GOLT1B: variants seen among roughly 807,000 people sequenced by gnomAD.
GOLT1B encodes the protein golgi transport 1B.
Under a neutral mutation model 15.4 loss-of-function variants are expected in GOLT1B, and 3 were observed. The observed-to-expected ratio is 0.19, with a 90% CI of 0.09 to 0.50. GOLT1B has a LOEUF of 0.50. Among genes scored for constraint, GOLT1B ranks in the 20% least tolerant of loss-of-function variants. GOLT1B has a pLI of 0.97. For synonymous variants in GOLT1B, 65 were observed against 56.2 expected (o/e 1.16, Z -0.70); for missense variants, 145 against 160.4 (o/e 0.90, Z 0.52).
At chr12:21,505,359 AC>A (rs1477042144) in intron 1 of GOLT1B, among the ~76,000 whole-genome samples, 3 of 152,216 alleles carry the variant, frequency 2.0e-5, no homozygotes, top group Admixed American at 1.3e-4. Context: ...ATAGAATTTT[AC>A]TTGCTCTTTT....
At chr12:21,507,678 A>ATGTTTCATATTC (rs1943689454) in intron 2 of GOLT1B, among the ~76,000 whole-genome samples, 2 of 152,202 alleles carry the variant, frequency 1.3e-5, no homozygotes, top group Non-Finnish European at 2.9e-5. Flanking sequence ...CATTAGGCTT[A>ATGTTTCATATTC]ATATGTATTT....
chr12:21,508,830 T>A (rs1943697868), intron 3 of GOLT1B, among the ~76,000 whole-genome samples: 1 of 152,154 alleles, frequency 6.6e-6, no homozygotes, highest in Non-Finnish European at 1.5e-5. Context: ...TGTTGGATAT[T>A]TGTATCAACT....
At chr12:21,515,064 A>G (rs895236692) in intron 4 of GOLT1B, among the ~76,000 whole-genome samples, 5 of 151,948 alleles carry the variant, frequency 3.3e-5, no homozygotes, top group Non-Finnish European at 7.4e-5. Context: ...ACTTACAGTA[A>G]TGTGTGTTAA....
At chr12:21,502,334 A>G (rs1011761611) in intron 1 of GOLT1B, among the ~76,000 whole-genome samples, 2 of 152,190 alleles carry the variant, frequency 1.3e-5, no homozygotes, top group Non-Finnish European at 2.9e-5. Flanking sequence ...GTTTATGCGC[A>G]TGACACACTT....
intron 3 of GOLT1B, among the ~76,000 whole-genome samples, chr12:21,511,886 A>G (rs949668378): frequency 2.0e-5 from 3 of 152,248 alleles, no homozygotes; most frequent in African/African-American, 4.8e-5. Context: ...AGAATGAGAC[A>G]TACTGTGAGG....
intron 3 of GOLT1B, among the ~76,000 whole-genome samples, chr12:21,509,250 T>G (rs533398520): frequency 1.3e-5 from 2 of 151,738 alleles, no homozygotes; most frequent in East Asian, 3.9e-4. Flanking sequence ...AATTCAAAAA[T>G]TAGCTGGCCA....
chr12:21,516,487 A>G lies in GOLT1B; in HGVS notation c.*780A>G, dbSNP rs894234880. The G allele has an allele frequency of 6.6e-6, 1 of 152,090 alleles. No individual in the cohort carries two copies. Among genetic ancestry groups the G allele is most frequent in the Non-Finnish European group, 1.5e-5 (1 of 67,930 alleles). 9.4% of individuals were successfully genotyped at this position (152,090 alleles called of 1,614,324 possible). On this transcript the variant is annotated 3_prime_UTR_variant, in exon 5 of 5. Transcript: ENST00000229314. ...ATTTAACAAAAAAGCATTCTTGACC[A>G]TGAATGAAGTAGTTTGTTTCATAGC...
At position 21,516,520 on chromosome 12, in the gene GOLT1B, A is replaced by G. The variant is rs1030426334; in HGVS notation, c.*813A>G. ...AGTAGTTTGTTTCATAGCTTGTCTC[A>G]TTGAATAGTATTATTGAAGATACTA... On this transcript the variant is annotated 3_prime_UTR_variant, in exon 5 of 5. Coordinates refer to ENST00000229314, the MANE Select transcript of GOLT1B (RefSeq NM_016072.5). 2.6e-5 allele frequency: 4 copies of G among 152,066 alleles called. No individual in the cohort carries two copies. The highest frequency in any genetic ancestry group is 9.7e-5 in the African/African-American group (4 of 41,446). 9.4% of individuals were successfully genotyped at this position (152,066 alleles called of 1,614,324 possible).
At chr12:21,504,569 A>G (rs1470071257) in intron 1 of GOLT1B, 3 of 508,792 alleles carry the variant, frequency 5.9e-6, no homozygotes, top group Non-Finnish European at 3.9e-6. Flanking sequence ...TTGAATGCTG[A>G]CTTCACAGAC....
chr12:21,515,491 G>A (rs1175522733), intron 4 of GOLT1B, among the ~76,000 whole-genome samples, 178 bp from the exon 5 acceptor site: 1 of 151,952 alleles, frequency 6.6e-6, no homozygotes, highest in East Asian at 1.9e-4. Flanking sequence ...TTTTATACAC[G>A]TTTATGTATC....
In GOLT1B at chr12:21,508,469, A is replaced by G. The variant is rs1943694822; in HGVS notation, c.204A>G (p.Thr68=). The G allele has an allele frequency of 5.7e-6, 9 of 1,590,696 alleles. No homozygotes were observed. Among genetic ancestry groups the G allele is most frequent in the Non-Finnish European group, 7.8e-6 (9 of 1,160,366 alleles). The change falls in exon 3 of 5, where the codon ACA becomes ACG. Residue 68 remains threonine (T), a synonymous_variant. Coordinates refer to ENST00000229314, the MANE Select transcript of GOLT1B (RefSeq NM_016072.5). ...FFFQKHKMKA[T]GFFLGGVFVV... ...TCCAAAAACATAAAATGAAAGCTAC[A>G]GGTTTTTTTCTGGGTGGTGTATTTG...
At chr12:21,506,018 T>C (rs1943675964) in intron 1 of GOLT1B, among the ~76,000 whole-genome samples, 1 of 136,884 alleles carries the variant, frequency 7.3e-6, no homozygotes, top group Non-Finnish European at 1.6e-5. Context: ...ATATACAAGA[T>C]AAACATAGAC....
chr12:21,515,307 G>T, intron 4 of GOLT1B: 1 of 1,050,162 alleles, frequency 9.5e-7, no homozygotes, highest in Non-Finnish European at 1.4e-6. Flanking sequence ...ATTAATGCAT[G>T]AATGGCTGAC....
intron 1 of GOLT1B, among the ~76,000 whole-genome samples, chr12:21,503,800 CCAAGCACTGCTCAGAGT>C (rs1368814535): frequency 6.6e-6 from 1 of 152,118 alleles, no homozygotes; most frequent in African/African-American, 2.4e-5. Context: ...TAGAGAGTGG[CCAAGCACTGCTCAGAGT>C]AGAATAAATG....
intron 3 of GOLT1B, among the ~76,000 whole-genome samples, chr12:21,510,488 G>C (rs1412102052): frequency 6.6e-6 from 1 of 152,176 alleles, no homozygotes; most frequent in Non-Finnish European, 1.5e-5. Flanking sequence ...CACAGGTTTC[G>C]TGGTTTAGAG....
chr12:21,504,467 TC>T, intron 1 of GOLT1B: 1 of 446,842 alleles, frequency 2.2e-6, no homozygotes, highest in Non-Finnish European at 4.6e-6. Flanking sequence ...TTGGGCAATG[TC>T]TCCCGCTGGA....
chr12:21,505,502 G>T (rs892758236), intron 1 of GOLT1B, among the ~76,000 whole-genome samples: 1 of 152,088 alleles, frequency 6.6e-6, no homozygotes, highest in Non-Finnish European at 1.5e-5. Flanking sequence ...CACTTAACTG[G>T]TGTATTTATA....
chr12:21,514,841 A>C (rs1317115125), intron 4 of GOLT1B, among the ~76,000 whole-genome samples: 2 of 151,812 alleles, frequency 1.3e-5, no homozygotes, highest in East Asian at 3.8e-4. Flanking sequence ...ATTCATCATG[A>C]TAAGTGCTTA....
At chr12:21,502,229 G>C (rs1274849921) in intron 1 of GOLT1B, among the ~76,000 whole-genome samples, 1 of 152,148 alleles carries the variant, frequency 6.6e-6, no homozygotes, top group East Asian at 1.9e-4. Flanking sequence ...CCAGGGTCGC[G>C]CTGATCTCCT....
Sources: gnomAD v4.1 joint callset for allele counts (sites outside exome capture counted in the v4.1 genomes callset) on GRCh38, gnomAD v4.1.1 for gene constraint, MANE v1.5 for transcripts, NCBI Gene and HGNC (gene_info 2026-07-23, HGNC 2026-07-21) for gene names.